Variants in ADAMTSL1 observed in about 807,000 individuals in gnomAD.
ADAMTSL1 encodes the protein ADAMTS like 1, also known as ADAMTS-like protein 1.
ADAMTSL1 carries 126 observed loss-of-function variants against 201.8 expected under a neutral mutation model. That is an observed-to-expected ratio of 0.62 (90% CI 0.54 to 0.72). The LOEUF (loss-of-function observed/expected upper bound fraction) is 0.72. ADAMTSL1 is among the 30% of genes least tolerant of loss of function. The pLI, the probability that ADAMTSL1 is intolerant of heterozygous loss-of-function variation, is 0.00. For missense variants in ADAMTSL1, 2,679 were observed against 2,277.8 expected (o/e 1.18, Z -3.59); for synonymous variants, 1,121 against 903.4 (o/e 1.24, Z -4.32).
chr9:18,196,307 G>A (rs541799302), intron 2 of ADAMTSL1, among the ~76,000 whole-genome samples: 7 of 152,174 alleles, frequency 4.6e-5, no homozygotes, highest in African/African-American at 9.6e-5. Flanking sequence ...TAAGGCATAC[G>A]TGTATGTGTG....
chr9:18,706,347 A>G (rs1048042553), intron 13 of ADAMTSL1, among the ~76,000 whole-genome samples: 2 of 152,316 alleles, frequency 1.3e-5, no homozygotes, highest in African/African-American at 4.8e-5. Flanking sequence ...TTGGTTTGAC[A>G]GGATCTGGCC....
intron 20 of ADAMTSL1, among the ~76,000 whole-genome samples, chr9:18,801,462 T>C (rs889244760): frequency 6.6e-6 from 1 of 152,264 alleles, no homozygotes; most frequent in Admixed American, 6.5e-5. Flanking sequence ...GTTGTACAGA[T>C]TATTTCATCA....
chr9:18,292,883 A>G (rs1228650264), intron 2 of ADAMTSL1, among the ~76,000 whole-genome samples: 1 of 152,200 alleles, frequency 6.6e-6, no homozygotes, highest in Non-Finnish European at 1.5e-5. Flanking sequence ...CCTTGTGATC[A>G]TGTGAGTCAG....
rs151083174 is a variant in ADAMTSL1 at position 18,374,237 on chromosome 9, A to G, written c.208-130592A>G. ...CCCTGGTCCTTCCTTGGAGCCGTAA[A>G]GAAAGGTGCAGTTCTGAAAGAGAGA... On this transcript the variant is annotated intron_variant, in intron 2 of 29. Transcript: ENST00000680146. Among the ~76,000 whole-genome samples, 223 of 152,348 alleles carry G rather than the reference A, an allele frequency of 1.5e-3. 1 individual carries two copies. The highest frequency in any genetic ancestry group is 2.5e-3 in the Non-Finnish European group (173 of 68,034).
intron 1 of ADAMTSL1, among the ~76,000 whole-genome samples, chr9:18,080,113 G>T (rs1382487467): frequency 6.6e-6 from 1 of 152,228 alleles, no homozygotes; most frequent in Non-Finnish European, 1.5e-5. Context: ...GGAGGTCAAG[G>T]AGTGAGAAGC....
intron 23 of ADAMTSL1, among the ~76,000 whole-genome samples, chr9:18,864,467 G>A (rs1008449750): frequency 2.0e-5 from 3 of 152,148 alleles, no homozygotes; most frequent in Non-Finnish European, 2.9e-5. Context: ...AAAAATCTTG[G>A]TGATTTTCAG....
At chr9:18,819,044 C>T (rs1364507418) in intron 21 of ADAMTSL1, among the ~76,000 whole-genome samples, 1 of 152,178 alleles carries the variant, frequency 6.6e-6, no homozygotes, top group Non-Finnish European at 1.5e-5. Context: ...TTCTGCAGAA[C>T]CATCACCCCT....
At chr9:17,914,201 T>G (rs1269729520) in intron 1 of ADAMTSL1, among the ~76,000 whole-genome samples, 28 of 152,284 alleles carry the variant, frequency 1.8e-4, no homozygotes, top group African/African-American at 4.8e-4. Context: ...TACCAAAGCC[T>G]GGCGGAGACA....
intron 1 of ADAMTSL1, among the ~76,000 whole-genome samples, chr9:18,044,255 T>C (rs938274734): frequency 2.0e-5 from 3 of 151,934 alleles, no homozygotes; most frequent in Non-Finnish European, 4.4e-5. Context: ...ACTAGGCAGA[T>C]GCAGTGAGAC....
At chr9:18,147,412 C>T (rs533132370) in intron 1 of ADAMTSL1, among the ~76,000 whole-genome samples, 16 of 152,192 alleles carry the variant, frequency 1.1e-4, no homozygotes, top group Admixed American at 2.6e-4. Context: ...ATGGGAATGG[C>T]TCACCACTTA....
At chr9:18,657,858 AC>A in intron 8 of ADAMTSL1, 108 bp downstream of exon 8, 1 of 873,418 alleles carries the variant, frequency 1.1e-6, no homozygotes. Flanking sequence ...GCTGTCTTGG[AC>A]CAGATCCTTT....
chr9:18,795,447 C>T lies in ADAMTSL1; in HGVS notation c.3728C>T (p.Ala1243Val). Residue 1243 changes from alanine (A) to valine (V), a missense_variant, in exon 20 of 29, where the codon GCA (alanine) becomes GTA (valine). Physicochemically the swap from Ala to Val is moderately conservative, Grantham distance 64. Coordinates refer to ENST00000380548, the MANE Select transcript of ADAMTSL1 (RefSeq NM_001040272.6). ...DSLQILAPVE[A>V]DVGFYTCNAT... ...TTACAGATCTTGGCACCAGTGGAAG[C>T]AGATGTGGGTTTCTACACTTGCAAT... is the stretch of plus-strand genomic sequence containing the variant. 1 of 1,613,884 alleles carries T rather than the reference C, an allele frequency of 6.2e-7. No individual in the cohort carries two copies. The highest frequency in any genetic ancestry group is 8.5e-7 in the Non-Finnish European group (1 of 1,179,832).
chr9:17,931,755 G>T (rs1415187847), intron 1 of ADAMTSL1, among the ~76,000 whole-genome samples: 1 of 152,092 alleles, frequency 6.6e-6, no homozygotes, highest in African/African-American at 2.4e-5. Context: ...GGGAGGTCAT[G>T]GTGGCATCCT....
chr9:18,574,808 A>C (rs10756976), intron 4 of ADAMTSL1, among the ~76,000 whole-genome samples: 35,944 of 152,118 alleles, frequency 0.24, 4,815 homozygotes, highest in East Asian at 0.65. Flanking sequence ...TTAAATCTTT[A>C]AAACAGGATT....
At chr9:18,293,610 C>T (rs1406693133) in intron 2 of ADAMTSL1, among the ~76,000 whole-genome samples, 3 of 152,102 alleles carry the variant, frequency 2.0e-5, no homozygotes, top group Non-Finnish European at 4.4e-5. Context: ...CAGGCCATAC[C>T]AGAGTAAGCA....
intron 2 of ADAMTSL1, among the ~76,000 whole-genome samples, chr9:18,315,074 T>G (rs894645125): frequency 1.2e-4 from 19 of 152,026 alleles, no homozygotes; most frequent in African/African-American, 4.6e-4. Context: ...CTGCTTTTAT[T>G]CCCTTATCTG....
At chr9:18,487,566 G>A (rs963256065) in intron 1 of ADAMTSL1, among the ~76,000 whole-genome samples, 8 of 152,152 alleles carry the variant, frequency 5.3e-5, no homozygotes, top group African/African-American at 1.2e-4. Context: ...GTTAATTTCA[G>A]TCTCCTCCTA....
intron 2 of ADAMTSL1, among the ~76,000 whole-genome samples, chr9:18,257,048 A>G (rs991865950): frequency 6.6e-5 from 10 of 152,210 alleles, no homozygotes; most frequent in African/African-American, 2.4e-4. Flanking sequence ...CTTATCTTAA[A>G]TTCATCCAAA....
At chr9:18,584,367 G>GCCC (rs112790269) in intron 4 of ADAMTSL1, among the ~76,000 whole-genome samples, 103 of 151,660 alleles carry the variant, frequency 6.8e-4, no homozygotes, top group African/African-American at 2.4e-3. Context: ...TGATTGTGAG[G>GCCC]CCCCCCCCAG....
Sources: gnomAD v4.1 joint callset for allele counts (sites outside exome capture counted in the v4.1 genomes callset) on GRCh38, gnomAD v4.1.1 for gene constraint, MANE v1.5 for transcripts, NCBI Gene and HGNC (gene_info 2026-07-23, HGNC 2026-07-21) for gene names.